The following DOCK9 variants were observed in gnomAD, a reference collection of about 807,000 sequenced individuals.
DOCK9 encodes the protein dedicator of cytokinesis 9.
In DOCK9, 89 loss-of-function variants were observed where a neutral mutation model predicts 263.3. The ratio of observed to expected loss-of-function variants is 0.34; its 90% CI spans 0.28 to 0.40. The LOEUF (loss-of-function observed/expected upper bound fraction) is 0.40. Among genes scored for constraint, DOCK9 ranks in the 10% least tolerant of loss-of-function variants. The pLI is 1.00. For missense variants in DOCK9, 2,140 were observed against 2,603.4 expected (o/e 0.82, Z 3.87); for synonymous variants, 976 against 973.1 (o/e 1.00, Z -0.06).
At chr13:98,915,271 CA>C in intron 8 of DOCK9, 57 bp downstream of exon 8, 1 of 1,550,158 alleles carries the variant, frequency 6.5e-7, no homozygotes, top group Middle Eastern at 1.7e-4. Flanking sequence ...ACCCACCTGG[CA>C]AAAATAAAGA....
At position 98,807,749 on chromosome 13, in the gene DOCK9, G is replaced by A. The variant is rs1445889642; in HGVS notation, c.5426C>T (p.Pro1809Leu). 5.0e-6 allele frequency: 8 copies of A among 1,613,406 alleles called. No homozygotes were observed. The highest frequency in any genetic ancestry group is 2.7e-5 in the African/African-American group (2 of 74,858). Residue 1809 changes from proline (P) to leucine (L), a missense_variant, in exon 48 of 53, where the codon CCG becomes CTG. Pro to Leu is a moderately conservative substitution (Grantham distance 98). Coordinates refer to ENST00000682017, the MANE Select transcript of DOCK9 (RefSeq NM_001366683.2). ...EYIYKEPKLT[P>L]LSEISQRLLK... ...GAGTCTCTGAGAAATTTCCGACAGCGGTGTGAGTTTGGGTTCCTTGTAAAT... is the reference window on the plus strand; with the variant it reads ...GAGTCTCTGAGAAATTTCCGACAGCAGTGTGAGTTTGGGTTCCTTGTAAAT...
At chr13:99,046,024 C>G (rs1245221464) in intron 1 of DOCK9, among the ~76,000 whole-genome samples, 1 of 151,688 alleles carries the variant, frequency 6.6e-6, no homozygotes, top group African/African-American at 2.4e-5. Context: ...TGGCGTGAAC[C>G]CGGGAGGCGG....
At chr13:98,869,122 G>A (rs150859495) in intron 27 of DOCK9, among the ~76,000 whole-genome samples, 67 of 152,250 alleles carry the variant, frequency 4.4e-4, no homozygotes, top group Non-Finnish European at 7.4e-4. Flanking sequence ...CTGAAAATAC[G>A]GATTTTGATG....
At position 98,794,700 on chromosome 13, in the gene DOCK9, T is replaced by C. The variant is rs2089120894; in HGVS notation, c.6205A>G (p.Ile2069Val). 1 of 1,613,918 alleles carries C rather than the reference T, an allele frequency of 6.2e-7. No individual in the cohort carries two copies. Among genetic ancestry groups the C allele is most frequent in the East Asian group, 2.2e-5 (1 of 44,874 alleles). The change falls in exon 53 of 53, where the codon ATC becomes GTC. Residue 2069 changes from isoleucine to valine, a missense_variant. By Grantham distance (29) the Ile-to-Val change is conservative. Transcript: ENST00000682017. ...KTSVLPNSLH[I>V]FNAISGTPTS... The stretch of plus-strand genomic sequence containing the variant: ...GGAGTCCCACTGATGGCGTTGAAGA[T>C]GTGAAGGGAATTCGGTAAGACGCTC...
intron 36 of DOCK9, among the ~76,000 whole-genome samples, chr13:98,849,240 A>G (rs191400388): frequency 6.6e-6 from 1 of 152,234 alleles, no homozygotes; most frequent in Admixed American, 6.5e-5. Context: ...CTATGAGCCA[A>G]GCGTCCACTG....
chr13:98,960,532 G>A (rs1012543431), intron 1 of DOCK9, among the ~76,000 whole-genome samples: 2 of 152,180 alleles, frequency 1.3e-5, no homozygotes, highest in African/African-American at 4.8e-5. Flanking sequence ...AATCAGAAAG[G>A]GAGAGGGCGT....
chr13:99,079,362 C>T (rs1445040813), intron 1 of DOCK9, among the ~76,000 whole-genome samples: 1 of 152,092 alleles, frequency 6.6e-6, no homozygotes, highest in Non-Finnish European at 1.5e-5. Context: ...CAAGACTCAG[C>T]CCCCATACCT....
Position 98,825,094 on chromosome 13 carries a change from G to A in DOCK9, c.5024-590C>T, listed in dbSNP as rs1332712068. Among the ~76,000 whole-genome samples the A allele has an allele frequency of 2.0e-5, 3 of 152,184 alleles. No individual in the cohort carries two copies. The highest frequency in any genetic ancestry group is 4.4e-5 in the Non-Finnish European group (3 of 68,030). ...GGGTGGCTGGCTGCATCAACAGAGG[G>A]CATGGATGCCTGGGCACTCTGATTC... On this transcript the variant is annotated intron_variant, in intron 44 of 52. Transcript: ENST00000682017. This position sits in a 1 kb window ranked among gnomAD's most constrained non-coding sequence, Gnocchi z 4.1.
chr13:98,820,474 G>A (rs1302546663), intron 45 of DOCK9, among the ~76,000 whole-genome samples: 1 of 152,106 alleles, frequency 6.6e-6, no homozygotes, highest in African/African-American at 2.4e-5. Context: ...AAGAATTCAG[G>A]GCAAGTCCAC....
At chr13:98,977,442 C>CTT (rs1875192509) in intron 1 of DOCK9, among the ~76,000 whole-genome samples, 1 of 152,162 alleles carries the variant, frequency 6.6e-6, no homozygotes, top group Non-Finnish European at 1.5e-5. Context: ...CAAAGCACAT[C>CTT]TTTTTTCAAC....
intron 43 of DOCK9, among the ~76,000 whole-genome samples, chr13:98,828,980 G>A (rs1445740607): frequency 2.0e-5 from 3 of 152,166 alleles, no homozygotes; most frequent in African/African-American, 7.2e-5. Context: ...ATAACAGGAG[G>A]AATTCATTTG....
chr13:98,796,781 G>T (rs2089465946), intron 52 of DOCK9, among the ~76,000 whole-genome samples: 2 of 152,188 alleles, frequency 1.3e-5, no homozygotes, highest in South Asian at 4.1e-4. Context: ...AAAGTTGTCA[G>T]AACAGTATGG....
At chr13:98,841,166 C>T (rs1309764799) in intron 38 of DOCK9, among the ~76,000 whole-genome samples, 2 of 152,178 alleles carry the variant, frequency 1.3e-5, no homozygotes, top group African/African-American at 4.8e-5. Flanking sequence ...CTTTGATCCA[C>T]AGACAAAAAA....
At chr13:98,862,044 CT>C (rs2093886932) in intron 32 of DOCK9, among the ~76,000 whole-genome samples, 1 of 152,110 alleles carries the variant, frequency 6.6e-6, no homozygotes, top group Admixed American at 6.5e-5. Context: ...TTTTTTGTGT[CT>C]CCTTCCCCCC....
Position 98,921,638 on chromosome 13 carries a change from T to C in DOCK9, c.582+413A>G, listed in dbSNP as rs1362502616. 3.9e-5 allele frequency among the ~76,000 whole-genome samples: 6 copies of C among 152,230 alleles called. No individual in the cohort carries two copies. The South Asian group carries it at 1.2e-3, about 32-fold the overall frequency. On this transcript the variant is annotated intron_variant, in intron 6 of 52. Coordinates refer to ENST00000682017, the MANE Select transcript of DOCK9 (RefSeq NM_001366683.2). The stretch of plus-strand genomic sequence containing the variant: ...CTTCTCTGTCTGCAACCTTCTCTTC[T>C]ATGCAACTATTTTCTTTTCTCGTCC...
In DOCK9 at chr13:98,932,007, G is replaced by A. The variant is rs1246709660; in HGVS notation, c.244-1750C>T. Among the ~76,000 whole-genome samples the A allele has an allele frequency of 3.3e-5, 5 of 152,154 alleles. No individual in the cohort carries two copies. The South Asian group carries it at 6.2e-4, about 19-fold the overall frequency. On this transcript the variant is annotated intron_variant, in intron 2 of 52. Coordinates refer to ENST00000682017, the MANE Select transcript of DOCK9 (RefSeq NM_001366683.2). ...CTCCCAAAGTGCTGAGATTACAGGC[G>A]TGAGCCACCATGCCCGGCCTGGGCT... is the stretch of plus-strand genomic sequence containing the variant.
chr13:99,008,232 A>ATTTTT (rs1403824024), intron 1 of DOCK9, among the ~76,000 whole-genome samples: 14 of 103,422 alleles, frequency 1.4e-4, no homozygotes, highest in Admixed American at 3.3e-4. Flanking sequence ...ATATATATAT[A>ATTTTT]TATTTTTTTT....
intron 15 of DOCK9, among the ~76,000 whole-genome samples, chr13:98,892,277 A>G (rs1391535650): frequency 6.6e-6 from 1 of 152,122 alleles, no homozygotes; most frequent in Non-Finnish European, 1.5e-5. Context: ...CACAGAGGAA[A>G]TGGGAATGGT....
At chr13:98,878,397 C>A (rs1177628357) in intron 27 of DOCK9, among the ~76,000 whole-genome samples, 1 of 152,154 alleles carries the variant, frequency 6.6e-6, no homozygotes, top group Non-Finnish European at 1.5e-5. Flanking sequence ...TATTCTTTTT[C>A]TCCCCCATCA....
Sources: gnomAD v4.1 joint callset for allele counts (sites outside exome capture counted in the v4.1 genomes callset) on GRCh38, gnomAD v4.1.1 for gene constraint, Gnocchi (gnomAD v3.1) non-coding constraint, MANE v1.5 for transcripts, NCBI Gene and HGNC (gene_info 2026-07-23, HGNC 2026-07-21) for gene names.